ANK3: variants seen among roughly 807,000 people sequenced by gnomAD.
ANK3 encodes the protein ankyrin-3.
ANK3 carries 57 observed loss-of-function variants against 370.9 expected under a neutral mutation model. The ratio of observed to expected loss-of-function variants is 0.15; its 90% CI spans 0.12 to 0.19. The LOEUF is 0.19. Ranked by LOEUF, ANK3 falls within the 10% of genes least tolerant of loss-of-function variation. ANK3 has a pLI of 1.00. For missense variants in ANK3, 4,439 were observed against 5,302.1 expected (o/e 0.84, Z 5.06); for synonymous variants, 1,929 against 1,946.3 (o/e 0.99, Z 0.23).
chr10:60,337,357 A>G (rs370890460), intron 1 of ANK3, among the ~76,000 whole-genome samples: 16 of 151,962 alleles, frequency 1.1e-4, no homozygotes, highest in African/African-American at 3.9e-4. Context: ...TGAATTCTCC[A>G]TTCTTGCCAA....
chr10:60,110,811 A>G (rs2092653364), intron 26 of ANK3, among the ~76,000 whole-genome samples: 1 of 152,242 alleles, frequency 6.6e-6, no homozygotes, highest in South Asian at 2.1e-4. Flanking sequence ...GAATGGATTT[A>G]AAACGATTCA....
chr10:60,070,686 T>C lies in ANK3; in HGVS notation c.10195A>G (p.Thr3399Ala). ...GTGTCATGAGAAAACTCTGCTGTGG[T>C]GGCAATGGAACACTCTGTGATGGAC... ...DQSITECSIA[T>A]TAEFSHDTDA... Residue 3399 changes from threonine to alanine, a missense_variant, in exon 37 of 44, where the codon ACC (threonine) becomes GCC (alanine). By Grantham distance (58) the Thr-to-Ala change is moderately conservative (BLOSUM62 0). Around this residue, in one of 13 missense-constraint regions of ANK3, gnomAD observed 1,601 missense variants for 1,731.7 expected, o/e 0.92. Transcript: ENST00000280772. The surrounding 1 kb of genome is among the most constrained non-coding windows in gnomAD (Gnocchi z 5.7). 1 of 1,614,182 alleles carries C rather than the reference T, an allele frequency of 6.2e-7. No homozygotes were observed. The highest frequency in any genetic ancestry group is 2.2e-5 in the East Asian group (1 of 44,878).
At chr10:60,331,624 T>C (rs2132940280) in intron 1 of ANK3, among the ~76,000 whole-genome samples, 1 of 151,680 alleles carries the variant, frequency 6.6e-6, no homozygotes, top group South Asian at 2.1e-4. Context: ...TGCAGGTCAT[T>C]CTTCAAGCTT....
Position 60,075,241 on chromosome 10 carries a change from C to T in ANK3, c.5640G>A (p.Leu1880=). 6.2e-7 allele frequency: 1 copy of T among 1,614,112 alleles called. No individual in the cohort carries two copies. Among genetic ancestry groups the T allele is most frequent in the Non-Finnish European group, 8.5e-7 (1 of 1,179,996 alleles). The change falls in exon 37 of 44, where the codon TTG becomes TTA. Residue 1880 remains leucine, a synonymous_variant. Coordinates refer to ENST00000280772, the MANE Select transcript of ANK3 (RefSeq NM_020987.5). The part of the protein sequence containing the change: ...SRTSSPVKSS[L]FLAPSALKLS... ...ACTTAAGGGCAGAGGGTGCAAGGAA[C>T]AAAGATGACTTAACTGGAGATGAAG...
At chr10:60,633,151 T>G (rs1205426494) in intron 1 of ANK3, among the ~76,000 whole-genome samples, 1 of 152,186 alleles carries the variant, frequency 6.6e-6, no homozygotes, top group African/African-American at 2.4e-5. Context: ...TGAAATGCAA[T>G]TTCCACCTAA....
chr10:60,567,377 A>G (rs2077488510), intron 2 of ANK3, among the ~76,000 whole-genome samples: 1 of 152,138 alleles, frequency 6.6e-6, no homozygotes, highest in African/African-American at 2.4e-5. Flanking sequence ...TATACATGGA[A>G]CAACAAAGCC....
intron 1 of ANK3, among the ~76,000 whole-genome samples, chr10:60,644,165 AT>A (rs2078675885): frequency 6.6e-6 from 1 of 152,046 alleles, no homozygotes; most frequent in Non-Finnish European, 1.5e-5. Context: ...TGAATGTAAG[AT>A]GACTTCTCGT....
chr10:60,046,324 C>G (rs917819176), intron 42 of ANK3, among the ~76,000 whole-genome samples: 1 of 152,126 alleles, frequency 6.6e-6, no homozygotes, highest in Admixed American at 6.5e-5. Context: ...ATAGCTTAAA[C>G]ACGAATGACA....
chr10:60,700,336 T>A (rs761195017), intron 1 of ANK3, among the ~76,000 whole-genome samples: 1 of 152,168 alleles, frequency 6.6e-6, no homozygotes, highest in Non-Finnish European at 1.5e-5. Context: ...TCACATAATT[T>A]AAAATGCCTA....
chr10:60,067,735 T>A (rs916444333), intron 38 of ANK3, among the ~76,000 whole-genome samples, 200 bp downstream of exon 38: 7 of 152,224 alleles, frequency 4.6e-5, no homozygotes, highest in African/African-American at 1.7e-4. Context: ...TTAGTGCATA[T>A]GCATAGAAAA....
chr10:60,484,326 G>T (rs923470723), intron 2 of ANK3, among the ~76,000 whole-genome samples: 3 of 151,960 alleles, frequency 2.0e-5, no homozygotes, highest in African/African-American at 7.3e-5. Flanking sequence ...ACAAATCTAG[G>T]GTATTCATTA....
chr10:60,544,938 C>T (rs75326450), intron 2 of ANK3, among the ~76,000 whole-genome samples: 4 of 17,618 alleles, frequency 2.3e-4, no homozygotes, highest in African/African-American at 4.3e-4. Flanking sequence ...CATTTTAGGG[C>T]GTGGACAATA....
intron 1 of ANK3, among the ~76,000 whole-genome samples, chr10:60,317,288 C>T (rs1460340527): frequency 6.6e-6 from 1 of 152,044 alleles, no homozygotes; most frequent in Admixed American, 6.6e-5. Context: ...CTGCACCTGG[C>T]TAATTTTTAA....
chr10:60,463,346 A>G (rs768161674), intron 2 of ANK3, among the ~76,000 whole-genome samples: 4 of 152,122 alleles, frequency 2.6e-5, no homozygotes, highest in Non-Finnish European at 5.9e-5. Context: ...GGCAGTCAAT[A>G]TATTTTCCGT....
intron 2 of ANK3, among the ~76,000 whole-genome samples, chr10:60,586,675 T>C (rs1377990522): frequency 1.3e-5 from 2 of 152,206 alleles, no homozygotes; most frequent in African/African-American, 4.8e-5. Flanking sequence ...CAATGTACAA[T>C]ATCTATACCA....
chr10:60,663,620 G>A (rs138145854), intron 1 of ANK3, among the ~76,000 whole-genome samples: 193 of 152,280 alleles, frequency 1.3e-3, no homozygotes, highest in African/African-American at 4.2e-3. Flanking sequence ...CACAGAATAC[G>A]TCTGATAATA....
chr10:60,088,452 T>C (rs1431758034), intron 28 of ANK3, 94 bp from the exon 29 acceptor site: 6 of 1,139,518 alleles, frequency 5.3e-6, no homozygotes, highest in Non-Finnish European at 7.5e-6. Flanking sequence ...TGAGATGGAG[T>C]TTCACTCTTG....
chr10:60,590,848 T>A (rs2133292002), intron 2 of ANK3, among the ~76,000 whole-genome samples: 1 of 152,372 alleles, frequency 6.6e-6, no homozygotes, highest in East Asian at 1.9e-4. Flanking sequence ...GGTTTTTTAC[T>A]TGTATTTTTA....
chr10:60,683,868 A>G (rs1039554852), intron 1 of ANK3, among the ~76,000 whole-genome samples: 3 of 152,242 alleles, frequency 2.0e-5, no homozygotes, highest in Admixed American at 2.0e-4. Context: ...GGCATGCAGG[A>G]AGAACAGAAG....
Sources: gnomAD v4.1 joint callset for allele counts (sites outside exome capture counted in the v4.1 genomes callset) on GRCh38, gnomAD v4.1.1 for gene constraint, gnomAD v4.1.1 regional missense constraint, Gnocchi (gnomAD v3.1) non-coding constraint, MANE v1.5 for transcripts, NCBI Gene and HGNC (gene_info 2026-07-23, HGNC 2026-07-21) for gene names.